Variants in TIE1 observed in about 807,000 individuals in gnomAD.
TIE1 encodes the protein tyrosine kinase with immunoglobulin like and EGF like domains 1.
A neutral mutation model predicts 130.5 loss-of-function variants in TIE1; 89 were observed. The observed-to-expected ratio is 0.68, with a 90% CI of 0.57 to 0.81. The LOEUF is 0.81. Ranked by LOEUF, TIE1 falls within the 40% of genes least tolerant of loss-of-function variation. TIE1 has a pLI of 0.00. For missense variants in TIE1, 1,392 were observed against 1,559.8 expected (o/e 0.89, Z 1.81); for synonymous variants, 568 against 629.4 (o/e 0.90, Z 1.46).
Position 43,313,675 on chromosome 1 carries a change from C to G in TIE1, c.2219-103C>G. The G allele has an allele frequency of 1.5e-6, 2 of 1,299,308 alleles. No individual in the cohort carries two copies. The allele number at this position is 1,299,308 out of a possible 1,614,324, so 80.5% of individuals were successfully genotyped here. ...TGGCCCAAGTGATTTCCTGACAGTC[C>G]TGGCACTGGGATCTTTCACCTCTCC... On this transcript the variant is annotated intron_variant, in intron 13 of 22. Coordinates refer to ENST00000372476, the MANE Select transcript of TIE1 (RefSeq NM_005424.5). This position sits in a 1 kb window ranked among gnomAD's most constrained non-coding sequence, Gnocchi z 6.2.
chr1:43,308,940 T>C, intron 7 of TIE1, 46 bp from the exon 8 acceptor site: 1 of 1,613,694 alleles, frequency 6.2e-7, no homozygotes, highest in South Asian at 1.1e-5. Flanking sequence ...GGTGGTCACG[T>C]GTCTGCCCCT....
Position 43,306,443 on chromosome 1 carries a change from G to A in TIE1, c.485-397G>A, listed in dbSNP as rs1414319531. Among the ~76,000 whole-genome samples, 1 of 152,188 alleles carries A rather than the reference G, an allele frequency of 6.6e-6. No homozygotes were observed. The highest frequency in any genetic ancestry group is 2.4e-5 in the African/African-American group (1 of 41,440). On this transcript the variant is annotated intron_variant, in intron 3 of 22. Transcript: ENST00000372476. The surrounding 1 kb of genome is among the most constrained non-coding windows in gnomAD (Gnocchi z 4.9). ...TCACTGGAGAACCAGGAGAGTTTCA[G>A]CAGAGGAGTTAGAGAGGAGTCTGTT...
chr1:43,310,868 G>C (rs575020371), intron 9 of TIE1, among the ~76,000 whole-genome samples: 1 of 152,062 alleles, frequency 6.6e-6, no homozygotes, highest in Non-Finnish European at 1.5e-5. Context: ...CTTACAGCGC[G>C]GCATCCTTTT....
Position 43,312,477 on chromosome 1 carries a change from G to A in TIE1, c.1803G>A (p.Gln601=), listed in dbSNP as rs1646808402. 3 of 1,612,110 alleles carry A rather than the reference G, an allele frequency of 1.9e-6. No individual in the cohort carries two copies. Among genetic ancestry groups the A allele is most frequent in the Non-Finnish European group, 2.5e-6 (3 of 1,179,830 alleles). ...GGCGGGAGAACGTCTCATCCCCCCAGGCCCGCACTGCCCTCCTGACGGGAC... is the reference window on the plus strand; with the variant it reads ...GGCGGGAGAACGTCTCATCCCCCCAAGCCCGCACTGCCCTCCTGACGGGAC... ...QERRENVSSP[Q]ARTALLTGLT... is the part of the protein sequence containing the mutation. The change falls in exon 12 of 23, where the codon CAG becomes CAA. Residue 601 remains glutamine, a synonymous_variant. Coordinates refer to ENST00000372476, the MANE Select transcript of TIE1 (RefSeq NM_005424.5). The surrounding 1 kb of genome is among the most constrained non-coding windows in gnomAD (Gnocchi z 5.6).
intron 14 of TIE1, chr1:43,314,331 G>T: frequency 8.8e-7 from 1 of 1,134,128 alleles, no homozygotes; most frequent in Non-Finnish European, 1.1e-6. Flanking sequence ...TAGATAGCAA[G>T]GTGATCAAAT....
Position 43,313,632 on chromosome 1 carries a change from CTCATCCCTTCCT to C in TIE1, c.2219-141_2219-130del. On this transcript the variant is annotated intron_variant, in intron 13 of 22. Coordinates refer to ENST00000372476, the MANE Select transcript of TIE1 (RefSeq NM_005424.5). The surrounding 1 kb of genome is among the most constrained non-coding windows in gnomAD (Gnocchi z 6.2). ...AAATCATGTCGCCCCTCTGACACCC[CTCATCCCTTCCT>C]TCATGTGGCCCAAGTGATTTCCTGA... 1 of 1,065,246 alleles carries C rather than the reference CTCATCCCTTCCT, an allele frequency of 9.4e-7. No homozygotes were observed. Among genetic ancestry groups the C allele is most frequent in the Non-Finnish European group, 1.3e-6 (1 of 754,880 alleles). 66.0% of individuals were successfully genotyped at this position (1,065,246 alleles called of 1,614,324 possible).
chr1:43,304,704 C>G (rs1347478556), intron 1 of TIE1, 147 bp from the exon 2 acceptor site: 2 of 820,860 alleles, frequency 2.4e-6, no homozygotes, highest in African/African-American at 3.6e-5. Context: ...GTCTGAAGAA[C>G]CGGGCAGGGG....
chr1:43,317,524 G>C lies in TIE1; in HGVS notation c.2621-40G>C. On this transcript the variant is annotated intron_variant, in intron 15 of 22. Transcript: ENST00000372476. This position sits in a 1 kb window ranked among gnomAD's most constrained non-coding sequence, Gnocchi z 5.1. ...CCAGCCCTTGCCAGCCCTTTCTCCA[G>C]AGTTATTTCTGGCAAAATAATATTG... 1 of 1,609,548 alleles carries C rather than the reference G, an allele frequency of 6.2e-7. No individual in the cohort carries two copies. Among genetic ancestry groups the C allele is most frequent in the Non-Finnish European group, 8.5e-7 (1 of 1,176,226 alleles).
chr1:43,321,844 C>T (rs956177192), intron 22 of TIE1, 129 bp downstream of exon 22: 29 of 859,084 alleles, frequency 3.4e-5, no homozygotes, highest in Admixed American at 3.4e-4. Context: ...GCTGTCACCA[C>T]GGCTAGGCTG....
At chr1:43,321,581 G>A (rs867653856) in intron 21 of TIE1, 35 bp from the exon 22 acceptor site, 2 of 1,554,530 alleles carry the variant, frequency 1.3e-6, no homozygotes, top group South Asian at 1.2e-5. Context: ...ACCCCAGCTG[G>A]CCTGACTCCT....
intron 9 of TIE1, among the ~76,000 whole-genome samples, chr1:43,311,378 G>A (rs1646788776): frequency 6.6e-6 from 1 of 151,788 alleles, no homozygotes; most frequent in Admixed American, 6.6e-5. Flanking sequence ...CCTGGGTTTC[G>A]GCCCCTTCTG....
In TIE1 at chr1:43,313,235, G is replaced by A; in HGVS notation, c.2028G>A (p.Lys676=). 1 of 1,614,006 alleles carries A rather than the reference G, an allele frequency of 6.2e-7. No individual in the cohort carries two copies. Among genetic ancestry groups the A allele is most frequent in the East Asian group, 2.2e-5 (1 of 44,868 alleles). ...HPEALPGPIS[K]YVVEVQVAGG... ...AGGCTCTGCCTGGGCCAATATCCAA[G>A]TACGTTGTGGAGGTGCAGGTGGCTG... Residue 676 remains lysine, a synonymous_variant, in exon 13 of 23, where the codon AAG becomes AAA. Transcript: ENST00000372476. This position sits in a 1 kb window ranked among gnomAD's most constrained non-coding sequence, Gnocchi z 6.2.
chr1:43,308,979 T>A lies in TIE1; in HGVS notation c.1043-7T>A, dbSNP rs370673791. 3 of 1,613,894 alleles carry A rather than the reference T, an allele frequency of 1.9e-6. No homozygotes were observed. The highest frequency in any genetic ancestry group is 2.5e-6 in the Non-Finnish European group (3 of 1,179,934). ...GGAGCTCCAGGATGAGTGTCCTTTC[T>A]CCCCAGACCGGATCCCCCAGATCCT... is the stretch of plus-strand genomic sequence containing the variant. On this transcript the variant is annotated splice_polypyrimidine_tract_variant and splice_region_variant and intron_variant, in intron 7 of 22. Transcript: ENST00000372476.
intron 9 of TIE1, 30 bp from the exon 10 acceptor site, chr1:43,311,641 G>T: frequency 1.2e-6 from 2 of 1,601,388 alleles, no homozygotes; most frequent in South Asian, 1.1e-5. Context: ...TAGGCTGTGT[G>T]CCCATGCCTT....
intron 7 of TIE1, 32 bp from the exon 8 acceptor site, chr1:43,308,954 G>A: frequency 6.2e-7 from 1 of 1,613,884 alleles, no homozygotes; most frequent in Non-Finnish European, 8.5e-7. Flanking sequence ...TGCCCCTGTG[G>A]GAGCTCCAGG....
At chr1:43,321,930 A>C (rs1355170852) in intron 22 of TIE1, among the ~76,000 whole-genome samples, 1 of 152,114 alleles carries the variant, frequency 6.6e-6, no homozygotes, top group Non-Finnish European at 1.5e-5. Context: ...TTCCAAGGCC[A>C]CTGCTTAGCC....
In TIE1 at chr1:43,318,268, G is replaced by A. The variant is rs945568302; in HGVS notation, c.2922+196G>A. Among the ~76,000 whole-genome samples, 1 of 152,198 alleles carries A rather than the reference G, an allele frequency of 6.6e-6. No homozygotes were observed. Among genetic ancestry groups the A allele is most frequent in the Non-Finnish European group, 1.5e-5 (1 of 68,042 alleles). ...GGTGGGGACTTCCAGTATGGAGGGT[G>A]CGGGTGTTGAGTGAGCAGGTCTAGA... On this transcript the variant is annotated intron_variant, in intron 17 of 22. Coordinates refer to ENST00000372476, the MANE Select transcript of TIE1 (RefSeq NM_005424.5). This position sits in a 1 kb window ranked among gnomAD's most constrained non-coding sequence, Gnocchi z 4.4.
Position 43,312,614 on chromosome 1 carries a change from C to T in TIE1, c.1927+13C>T, listed in dbSNP as rs762254175. On this transcript the variant is annotated intron_variant, in intron 12 of 22. Coordinates refer to ENST00000372476, the MANE Select transcript of TIE1 (RefSeq NM_005424.5). This position sits in a 1 kb window ranked among gnomAD's most constrained non-coding sequence, Gnocchi z 5.6. ...CTGCCCCCCAGTGGTATGTGCAAGGCGCAAGGATAGCTGGGGGTTGGGGGA... is the reference window on the plus strand; with the variant it reads ...CTGCCCCCCAGTGGTATGTGCAAGGTGCAAGGATAGCTGGGGGTTGGGGGA... 1.7e-5 allele frequency: 27 copies of T among 1,581,136 alleles called. No individual in the cohort carries two copies. Among genetic ancestry groups the T allele is most frequent in the South Asian group, 2.3e-5 (2 of 86,890 alleles).
Position 43,309,168 on chromosome 1 carries a change from GGCC to G in TIE1, c.1188+41_1188+43del. 1 of 1,559,930 alleles carries G rather than the reference GGCC, an allele frequency of 6.4e-7. No individual in the cohort carries two copies. Among genetic ancestry groups the G allele is most frequent in the Non-Finnish European group, 8.7e-7 (1 of 1,150,794 alleles). ...ATCACCCCAACCCACCAGCCCCTCA[GGCC>G]GCCTGCTTCACAGCTGATCCCTAAG... is the stretch of plus-strand genomic sequence containing the variant. On this transcript the variant is annotated intron_variant, in intron 8 of 22. Coordinates refer to ENST00000372476, the MANE Select transcript of TIE1 (RefSeq NM_005424.5). The surrounding 1 kb of genome is among the most constrained non-coding windows in gnomAD (Gnocchi z 6.3).
Sources: gnomAD v4.1 joint callset for allele counts (sites outside exome capture counted in the v4.1 genomes callset) on GRCh38, gnomAD v4.1.1 for gene constraint, Gnocchi (gnomAD v3.1) non-coding constraint, MANE v1.5 for transcripts, NCBI Gene and HGNC (gene_info 2026-07-23, HGNC 2026-07-21) for gene names.